The following NKAIN2 variants were observed in gnomAD, a reference collection of about 807,000 sequenced individuals.
NKAIN2 encodes sodium/potassium transporting ATPase interacting 2.
A neutral mutation model predicts 32.6 loss-of-function variants in NKAIN2; 14 were observed. The ratio of observed to expected loss-of-function variants is 0.43; its 90% CI spans 0.28 to 0.67. The LOEUF (loss-of-function observed/expected upper bound fraction) is 0.67, where lower values mean the gene tolerates loss of function less well. Among genes scored for constraint, NKAIN2 ranks in the 30% least tolerant of loss-of-function variants. The pLI, the probability that NKAIN2 is intolerant of heterozygous loss-of-function variation, is 0.17. For missense variants in NKAIN2, 198 were observed against 258.3 expected (o/e 0.77, Z 1.60); for synonymous variants, 80 against 87.2 (o/e 0.92, Z 0.46).
intron 1 of NKAIN2, among the ~76,000 whole-genome samples, chr6:124,065,112 T>TAC (rs1309429887): frequency 6.6e-6 from 1 of 152,110 alleles, no homozygotes; most frequent in East Asian, 1.9e-4. Context: ...TAACACAAAG[T>TAC]ACAGCCTCTT....
chr6:123,938,739 A>T lies in NKAIN2; in HGVS notation c.54+134485A>T, dbSNP rs557004050. On this transcript the variant is annotated intron_variant, in intron 1 of 6. Coordinates refer to ENST00000368417, the MANE Select transcript of NKAIN2 (RefSeq NM_001040214.3). ...AATATGGGAGAAAGAGTCCATCTATAGAATCATGGAAAGTTAGACTGGTAA... is the reference window on the plus strand; with the variant it reads ...AATATGGGAGAAAGAGTCCATCTATTGAATCATGGAAAGTTAGACTGGTAA... Among the ~76,000 whole-genome samples, 50 of 150,894 alleles carry T rather than the reference A, an allele frequency of 3.3e-4. No homozygotes were observed. In the South Asian group the frequency reaches 0.01, roughly 31 times the overall value.
At position 124,009,354 on chromosome 6, in the gene NKAIN2, G is replaced by C. The variant is rs1010340547; in HGVS notation, c.54+205100G>C. The stretch of plus-strand genomic sequence containing the variant: ...TTGAGAACTTATGTTTTATGAGCAT[G>C]AACGGTAAGCAGTCATTAGAGCTAT... On this transcript the variant is annotated intron_variant, in intron 1 of 6. Coordinates refer to ENST00000368417, the MANE Select transcript of NKAIN2 (RefSeq NM_001040214.3). Among the ~76,000 whole-genome samples, 3 of 152,160 alleles carry C rather than the reference G, an allele frequency of 2.0e-5. No homozygotes were observed. In the East Asian group the frequency reaches 5.8e-4, roughly 29 times the overall value.
intron 1 of NKAIN2, among the ~76,000 whole-genome samples, chr6:123,961,779 T>A (rs1337605097): frequency 2.6e-5 from 4 of 152,194 alleles, no homozygotes; most frequent in African/African-American, 9.6e-5. Context: ...CTTCTTACGT[T>A]GTTAATGTTA....
At position 124,055,698 on chromosome 6, in the gene NKAIN2, A is replaced by G. The variant is rs572716668; in HGVS notation, c.55-227307A>G. The stretch of plus-strand genomic sequence containing the variant: ...CTGTGACCTTCAAGCCCAGGAGAAA[A>G]TTATAGCACAATGTGGAACATTTTC... On this transcript the variant is annotated intron_variant, in intron 1 of 6. Transcript: ENST00000368417. Among the ~76,000 whole-genome samples, 6 of 152,140 alleles carry G rather than the reference A, an allele frequency of 3.9e-5. No individual in the cohort carries two copies. In the East Asian group the frequency reaches 1.2e-3, roughly 29 times the overall value.
chr6:123,998,283 A>T (rs1779716585), intron 1 of NKAIN2, among the ~76,000 whole-genome samples: 1 of 152,198 alleles, frequency 6.6e-6, no homozygotes, highest in African/African-American at 2.4e-5. Flanking sequence ...TAGGTATCTA[A>T]TGATATATCC....
At chr6:124,550,469 C>T (rs1780247232) in intron 3 of NKAIN2, among the ~76,000 whole-genome samples, 1 of 152,082 alleles carries the variant, frequency 6.6e-6, no homozygotes, top group Non-Finnish European at 1.5e-5. Flanking sequence ...CCTGACCCAG[C>T]CCTGGGTTCA....
intron 3 of NKAIN2, among the ~76,000 whole-genome samples, chr6:124,496,268 T>C (rs1048081390): frequency 1.3e-5 from 2 of 152,194 alleles, no homozygotes; most frequent in African/African-American, 2.4e-5. Context: ...CATTCCCAAG[T>C]GCTTTCACAT....
chr6:124,111,503 C>T (rs1211868317), intron 1 of NKAIN2, among the ~76,000 whole-genome samples: 1 of 151,972 alleles, frequency 6.6e-6, no homozygotes, highest in African/African-American at 2.4e-5. Flanking sequence ...GGTCATTTGT[C>T]TGATGTACCC....
intron 1 of NKAIN2, among the ~76,000 whole-genome samples, chr6:123,845,576 C>A (rs975246069): frequency 2.0e-5 from 3 of 152,140 alleles, no homozygotes; most frequent in African/African-American, 4.8e-5. Context: ...TGGGCCCACC[C>A]ATAATCAGGT....
intron 1 of NKAIN2, among the ~76,000 whole-genome samples, chr6:123,922,590 G>T (rs1225229043): frequency 1.3e-5 from 2 of 152,088 alleles, no homozygotes; most frequent in African/African-American, 4.8e-5. Context: ...TTGGGGTGGG[G>T]AAAGGGCAAC....
At chr6:124,573,797 A>G (rs1455885798) in intron 3 of NKAIN2, among the ~76,000 whole-genome samples, 1 of 152,284 alleles carries the variant, frequency 6.6e-6, no homozygotes, top group Admixed American at 6.5e-5. Context: ...CACTTACGTT[A>G]AAATCTCCTT....
intron 4 of NKAIN2, among the ~76,000 whole-genome samples, chr6:124,778,214 C>T (rs972152318): frequency 1.0e-4 from 15 of 150,290 alleles, no homozygotes; most frequent in African/African-American, 1.7e-4. Context: ...CAAATGTAGT[C>T]GGAAATATAA....
chr6:124,628,118 A>G (rs1335236557), intron 3 of NKAIN2, among the ~76,000 whole-genome samples: 1 of 152,100 alleles, frequency 6.6e-6, no homozygotes, highest in Non-Finnish European at 1.5e-5. Context: ...TCCCTTCTGT[A>G]TTCCTTTGTT....
chr6:124,342,408 CAAAA>C, intron 2 of NKAIN2, among the ~76,000 whole-genome samples: 1 of 84,538 alleles, frequency 1.2e-5, no homozygotes. Context: ...GACTCCATCT[CAAAA>C]AAAAAAAAAA....
intron 4 of NKAIN2, among the ~76,000 whole-genome samples, chr6:124,754,219 G>GTAATT (rs1777857517): frequency 6.6e-6 from 1 of 151,988 alleles, no homozygotes; most frequent in Non-Finnish European, 1.5e-5. Flanking sequence ...TGGTATTTAT[G>GTAATT]GATGTAAACA....
At chr6:124,284,512 T>G (rs966165) in intron 2 of NKAIN2, among the ~76,000 whole-genome samples, 21,088 of 152,072 alleles carry the variant, frequency 0.14, 1,629 homozygotes, top group East Asian at 0.27. Context: ...TACCATTCTT[T>G]TTTTATTAGA....
chr6:124,268,243 C>T (rs1794593513), intron 1 of NKAIN2, among the ~76,000 whole-genome samples: 1 of 152,182 alleles, frequency 6.6e-6, no homozygotes, highest in Non-Finnish European at 1.5e-5. Context: ...TGTGTAAGGA[C>T]TCTGGGAAGC....
intron 3 of NKAIN2, among the ~76,000 whole-genome samples, chr6:124,459,770 C>T (rs1051831269): frequency 2.6e-5 from 4 of 151,644 alleles, no homozygotes; most frequent in African/African-American, 9.7e-5. Context: ...TTCCCCATGC[C>T]ATCTTGCTAA....
intron 1 of NKAIN2, among the ~76,000 whole-genome samples, chr6:123,844,751 A>T (rs1775022029): frequency 6.6e-6 from 1 of 152,228 alleles, no homozygotes; most frequent in South Asian, 2.1e-4. Context: ...TACAAGGCTA[A>T]CAGATGTGAC....
Sources: gnomAD v4.1 joint callset for allele counts (sites outside exome capture counted in the v4.1 genomes callset) on GRCh38, gnomAD v4.1.1 for gene constraint, MANE v1.5 for transcripts, NCBI Gene and HGNC (gene_info 2026-07-23, HGNC 2026-07-21) for gene names.